Variants in XRRA1 observed in about 807,000 individuals in gnomAD.
The protein encoded by XRRA1 is X-ray radiation resistance-associated protein 1.
A neutral mutation model predicts 80.2 loss-of-function variants in XRRA1; 69 were observed. The observed-to-expected ratio is 0.86, with a 90% CI of 0.71 to 1.05. The LOEUF (loss-of-function observed/expected upper bound fraction) is 1.05, where lower values mean the gene tolerates loss of function less well. Among genes scored for constraint, XRRA1 ranks in the 50% least tolerant of loss-of-function variants. The pLI, the probability that XRRA1 is intolerant of heterozygous loss-of-function variation, is 0.00. For missense variants in XRRA1, 967 were observed against 976.4 expected (o/e 0.99, Z 0.13); for synonymous variants, 348 against 389.9 (o/e 0.89, Z 1.27).
intron 14 of XRRA1, among the ~76,000 whole-genome samples, chr11:74,849,616 T>G (rs924985649): frequency 6.6e-6 from 1 of 152,104 alleles, no homozygotes; most frequent in African/African-American, 2.4e-5. Flanking sequence ...GTGAGAGAGA[T>G]GTGCTAGAGG....
chr11:74,890,632 T>C (rs2050401845), intron 10 of XRRA1, among the ~76,000 whole-genome samples: 1 of 151,922 alleles, frequency 6.6e-6, no homozygotes, highest in Admixed American at 6.6e-5. Flanking sequence ...TTTGAAAAGA[T>C]CAACAAAATT....
intron 8 of XRRA1, among the ~76,000 whole-genome samples, chr11:74,907,607 A>G (rs141529590): frequency 6.6e-6 from 1 of 152,176 alleles, no homozygotes; most frequent in African/African-American, 2.4e-5. Flanking sequence ...TGGAGGGAGC[A>G]TTCTGCAGAT....
intron 12 of XRRA1, among the ~76,000 whole-genome samples, chr11:74,854,293 T>A (rs761595409): frequency 1.3e-5 from 2 of 152,106 alleles, no homozygotes; most frequent in Non-Finnish European, 2.9e-5. Context: ...TCTGAAGTCA[T>A]CCCTAGGGAG....
chr11:74,849,380 G>C (rs191808323), intron 14 of XRRA1, among the ~76,000 whole-genome samples: 47 of 152,306 alleles, frequency 3.1e-4, no homozygotes, highest in Middle Eastern at 3.4e-3. Flanking sequence ...TAAGGAGGGC[G>C]AAGGATGACT....
intron 18 of XRRA1, 71 bp from the exon 19 acceptor site, chr11:74,843,524 G>A (rs1422548781): frequency 1.9e-6 from 3 of 1,544,892 alleles, no homozygotes; most frequent in Non-Finnish European, 2.6e-6. Flanking sequence ...CAAGAGGATT[G>A]GGTCCAGAGA....
chr11:74,872,637 C>G (rs2136283092), intron 10 of XRRA1, among the ~76,000 whole-genome samples: 1 of 152,228 alleles, frequency 6.6e-6, no homozygotes, highest in East Asian at 1.9e-4. Flanking sequence ...GTTGGGACCA[C>G]TGGAGATCAG....
At chr11:74,907,492 T>C (rs1166489745) in intron 8 of XRRA1, among the ~76,000 whole-genome samples, 1 of 152,070 alleles carries the variant, frequency 6.6e-6, no homozygotes, top group African/African-American at 2.4e-5. Flanking sequence ...TTGTCTTCTG[T>C]ATGGAGAAAG....
At chr11:74,925,556 G>A (rs955931583) in intron 7 of XRRA1, among the ~76,000 whole-genome samples, 13 of 151,438 alleles carry the variant, frequency 8.6e-5, no homozygotes, top group African/African-American at 2.7e-4. Flanking sequence ...AGATGACTGG[G>A]CAAGAGATTT....
At chr11:74,885,987 GA>G (rs2048928375) in intron 10 of XRRA1, among the ~76,000 whole-genome samples, 1 of 152,120 alleles carries the variant, frequency 6.6e-6, no homozygotes, top group Non-Finnish European at 1.5e-5. Flanking sequence ...AATAAATGCA[GA>G]AAATGCTTTT....
intron 7 of XRRA1, among the ~76,000 whole-genome samples, chr11:74,926,633 C>CT (rs774623911): frequency 5.3e-5 from 8 of 152,258 alleles, no homozygotes; most frequent in Non-Finnish European, 7.4e-5. Context: ...GTGACAAAAG[C>CT]TTTGTTCCTT....
rs2038791673 is a variant in XRRA1, at chr11:74,848,158, G to A, written c.1685C>T (p.Ser562Leu). 1 of 1,613,112 alleles carries A rather than the reference G, an allele frequency of 6.2e-7. No homozygotes were observed. The highest frequency in any genetic ancestry group is 2.2e-5 in the East Asian group (1 of 44,892). Reference sequence around the variant, plus strand: ...CTCTGTGCTCTTGGAGTCCTCATCTGATGGGCGCTCTGGGCTGAGGCGGAC... The same window carrying A: ...CTCTGTGCTCTTGGAGTCCTCATCTAATGGGCGCTCTGGGCTGAGGCGGAC... ...TTVRLSPERP[S>L]DEDSKSTESI... Residue 562 changes from serine (S) to leucine (L), a missense_variant, in exon 15 of 19, where the codon TCA (serine) becomes TTA (leucine). Physicochemically the swap from Ser to Leu is moderately radical, Grantham distance 145. Coordinates refer to ENST00000684022, the MANE Select transcript of XRRA1 (RefSeq NM_001378157.1).
chr11:74,860,098 G>C (rs2042008831), intron 11 of XRRA1, among the ~76,000 whole-genome samples: 1 of 152,190 alleles, frequency 6.6e-6, no homozygotes, highest in African/African-American at 2.4e-5. Flanking sequence ...ATGGAATCTT[G>C]AGCAAGTCAC....
chr11:74,904,495 T>C (rs1225258878), intron 10 of XRRA1, among the ~76,000 whole-genome samples: 1 of 151,444 alleles, frequency 6.6e-6, no homozygotes, highest in Non-Finnish European at 1.5e-5. Context: ...AGGGTAACCA[T>C]TAGAGATACA....
At chr11:74,886,046 A>G (rs1303288675) in intron 10 of XRRA1, among the ~76,000 whole-genome samples, 1 of 152,246 alleles carries the variant, frequency 6.6e-6, no homozygotes, top group Non-Finnish European at 1.5e-5. Flanking sequence ...TAAACTAGGC[A>G]TTTAAGGAAT....
chr11:74,895,403 T>C (rs1383932453), intron 10 of XRRA1, among the ~76,000 whole-genome samples: 1 of 152,238 alleles, frequency 6.6e-6, no homozygotes, highest in African/African-American at 2.4e-5. Context: ...GAATCACCCA[T>C]CTCAGCTGTT....
chr11:74,890,862 G>A (rs1397872877), intron 10 of XRRA1, among the ~76,000 whole-genome samples: 1 of 152,112 alleles, frequency 6.6e-6, no homozygotes, highest in African/African-American at 2.4e-5. Flanking sequence ...GGAAGAAGTT[G>A]AATCTCTGAA....
intron 7 of XRRA1, among the ~76,000 whole-genome samples, chr11:74,922,256 C>CAAA (rs398016677): frequency 1.6e-3 from 107 of 68,660 alleles, no homozygotes; most frequent in East Asian, 2.7e-3. Context: ...GACTCTGCCT[C>CAAA]AAAAAAAAAA....
chr11:74,907,101 T>C, intron 9 of XRRA1, 44 bp downstream of exon 9: 1 of 1,610,882 alleles, frequency 6.2e-7, no homozygotes, highest in Non-Finnish European at 8.5e-7. Flanking sequence ...TGAGCAAGCC[T>C]GGGGATTAGA....
At chr11:74,843,758 A>G in intron 18 of XRRA1, 96 bp downstream of exon 18, 2 of 1,147,622 alleles carry the variant, frequency 1.7e-6, no homozygotes, top group Non-Finnish European at 2.5e-6. Context: ...GTTGCTCTCT[A>G]AGGGCCTTTC....
Sources: gnomAD v4.1 joint callset for allele counts (sites outside exome capture counted in the v4.1 genomes callset) on GRCh38, gnomAD v4.1.1 for gene constraint, MANE v1.5 for transcripts, NCBI Gene and HGNC (gene_info 2026-07-23, HGNC 2026-07-21) for gene names.